Variants in WWC1 observed in about 807,000 individuals in gnomAD.
WWC1 encodes protein KIBRA.
WWC1 carries 55 observed loss-of-function variants against 138.4 expected under a neutral mutation model. That is an observed-to-expected ratio of 0.40 (90% CI 0.32 to 0.50). WWC1 has a LOEUF of 0.50. Ranked by LOEUF, WWC1 falls within the 20% of genes least tolerant of loss-of-function variation. The pLI is 0.72. For missense variants in WWC1, 1,226 were observed against 1,420.4 expected (o/e 0.86, Z 2.20); for synonymous variants, 524 against 564.9 (o/e 0.93, Z 1.03).
chr5:168,466,613 A>C (rs756041253), intron 21 of WWC1, among the ~76,000 whole-genome samples: 9 of 152,330 alleles, frequency 5.9e-5, no homozygotes, highest in Non-Finnish European at 8.8e-5. Flanking sequence ...AGAAAAGTTT[A>C]TTTCTTTCTT....
At chr5:168,454,200 C>A (rs1406980964) in intron 18 of WWC1, 100 bp downstream of exon 18, 11 of 1,523,930 alleles carry the variant, frequency 7.2e-6, no homozygotes, top group African/African-American at 1.4e-5. Context: ...GTCTTGGCTT[C>A]CAGCATCAGG....
intron 10 of WWC1, among the ~76,000 whole-genome samples, chr5:168,422,977 C>G (rs534276217): frequency 1.3e-3 from 194 of 151,966 alleles, no homozygotes; most frequent in African/African-American, 4.6e-3. Context: ...GAAACCCCCT[C>G]TCTACTAAAA....
intron 1 of WWC1, among the ~76,000 whole-genome samples, chr5:168,323,794 G>GA (rs1275656318): frequency 8.5e-5 from 13 of 152,076 alleles, no homozygotes; most frequent in Admixed American, 1.3e-4. Flanking sequence ...ATAAATCCAG[G>GA]AAAATCATGT....
At chr5:168,293,920 C>T (rs957662655) in intron 1 of WWC1, among the ~76,000 whole-genome samples, 2 of 152,338 alleles carry the variant, frequency 1.3e-5, no homozygotes, top group South Asian at 2.1e-4. Context: ...CACCCTTACT[C>T]GGGTCAGTTG....
At position 168,414,393 on chromosome 5, in the gene WWC1, C is replaced by T. The variant is rs1339751571; in HGVS notation, c.987C>T (p.Ala329=). The T allele has an allele frequency of 9.9e-6, 16 of 1,609,086 alleles. No homozygotes were observed. The highest frequency in any genetic ancestry group is 1.3e-5 in the African/African-American group (1 of 74,854). The change falls in exon 9 of 23, where the codon GCC becomes GCT. Residue 329 remains alanine, a synonymous_variant. Transcript: ENST00000265293. ...AGCTGGCCAAGCTTGACAGTGAGGC[C>T]TGGCCTGGGGTGCTGGACTCAGAGA... The part of the protein sequence containing the change: ...KIQLAKLDSE[A]WPGVLDSERD...
chr5:168,423,161 A>AAAAAAAAC (rs774697216), intron 10 of WWC1, among the ~76,000 whole-genome samples: 1,490 of 139,888 alleles, frequency 0.011, 21 homozygotes, highest in South Asian at 0.021. Context: ...AAAAAAAAAA[A>AAAAAAAAC]AAAAAAAAAA....
In WWC1 at chr5:168,423,341, A is replaced by G. The variant is rs565401287; in HGVS notation, c.1275-192A>G. 4.6e-5 allele frequency among the ~76,000 whole-genome samples: 7 copies of G among 152,282 alleles called. No homozygotes were observed. In the South Asian group the frequency reaches 1.5e-3, roughly 32 times the overall value. On this transcript the variant is annotated intron_variant, in intron 10 of 22. Transcript: ENST00000265293. ...CAGCTATAACTTGAGTCCAAAGCCC[A>G]GCTCTGCCATGTCTTGATTATGTGG...
rs756135846 is a variant in WWC1 at position 168,448,616 on chromosome 5, A to ATTTTTTT, written c.2525+4045_2525+4051dup. On this transcript the variant is annotated intron_variant, in intron 17 of 22. Coordinates refer to ENST00000265293, the MANE Select transcript of WWC1 (RefSeq NM_015238.3). The stretch of plus-strand genomic sequence containing the variant: ...CATCATAGAATAGTTCTCAAATAAG[A>ATTTTTTT]TTTTTTTTTTTTTTTTTTTTGAGAC... Among the ~76,000 whole-genome samples, 363 of 117,570 alleles carry ATTTTTTT rather than the reference A, an allele frequency of 3.1e-3. 11 individuals carry two copies. The highest frequency in any genetic ancestry group is 0.012 in the African/African-American group (342 of 28,610). 77.1% of individuals were successfully genotyped at this position (117,570 alleles called of 152,430 possible).
chr5:168,333,349 C>T (rs1356229825), intron 1 of WWC1, among the ~76,000 whole-genome samples: 2 of 152,218 alleles, frequency 1.3e-5, no homozygotes, highest in African/African-American at 2.4e-5. Context: ...CCTTCGGGAG[C>T]TGGGAGTGGA....
chr5:168,429,977 A>G (rs1194401023), intron 13 of WWC1, among the ~76,000 whole-genome samples, 160 bp from the exon 14 acceptor site: 2 of 152,186 alleles, frequency 1.3e-5, no homozygotes, highest in African/African-American at 4.8e-5. Flanking sequence ...CTCTAGCTCT[A>G]CATCCCTGCA....
chr5:168,406,399 G>T, intron 6 of WWC1, 72 bp downstream of exon 6: 1 of 1,586,478 alleles, frequency 6.3e-7, no homozygotes, highest in African/African-American at 1.3e-5. Flanking sequence ...AGTCGTATGC[G>T]GGCTATTTCC....
In WWC1 at chr5:168,385,254, G is replaced by C; in HGVS notation, c.273G>C (p.Glu91Asp). 6.2e-7 allele frequency: 1 copy of C among 1,614,142 alleles called. No homozygotes were observed. The highest frequency in any genetic ancestry group is 8.5e-7 in the Non-Finnish European group (1 of 1,180,036). Residue 91 changes from glutamate to aspartate, a missense_variant, in exon 3 of 23, where the codon GAG (glutamate) becomes GAC (aspartate). Physicochemically the swap from Glu to Asp is conservative, Grantham distance 45 (BLOSUM62 2). Coordinates refer to ENST00000265293, the MANE Select transcript of WWC1 (RefSeq NM_015238.3). ...IEDPRVQWRR[E>D]QEHMLKDYLV... Reference sequence around the variant, plus strand: ...ATCCTCGAGTACAATGGCGGCGGGAGCAGGAACATATGCTGAAGGATTACC... The same window carrying C: ...ATCCTCGAGTACAATGGCGGCGGGACCAGGAACATATGCTGAAGGATTACC...
intron 1 of WWC1, among the ~76,000 whole-genome samples, chr5:168,337,492 C>CATAGG (rs1343192397): frequency 1.3e-5 from 2 of 152,002 alleles, no homozygotes; most frequent in African/African-American, 4.8e-5. Context: ...TCCTGCAGTG[C>CATAGG]ACAGGACAGC....
intron 1 of WWC1, among the ~76,000 whole-genome samples, chr5:168,346,857 A>C (rs968654212): frequency 1.3e-5 from 2 of 152,108 alleles, no homozygotes; most frequent in African/African-American, 4.8e-5. Flanking sequence ...GGTTGGTGTC[A>C]GGCACTGTGT....
rs749130729 is a variant in WWC1 at position 168,423,730 on chromosome 5, G to T, written c.1472G>T (p.Gly491Val). The stretch of plus-strand genomic sequence containing the variant: ...TTCCTGCTCCTGGAGGGGGCCACCG[G>T]CTTCCGGCCCTCAGGCTGCATCACC... ...VEFLLLEGAT[G>V]FRPSGCITTI... The change falls in exon 11 of 23, where the codon GGC becomes GTC. Residue 491 changes from glycine to valine, a missense_variant. Gly to Val is a moderately radical substitution (Grantham distance 109). This residue lies in a region of WWC1 where 1,016 missense variants were observed against 1,153.9 expected (regional missense o/e 0.88). Transcript: ENST00000265293. 1 of 1,614,040 alleles carries T rather than the reference G, an allele frequency of 6.2e-7. No homozygotes were observed. The highest frequency in any genetic ancestry group is 1.1e-5 in the South Asian group (1 of 91,076).
intron 1 of WWC1, among the ~76,000 whole-genome samples, chr5:168,311,720 AC>A (rs1771102572): frequency 2.0e-5 from 3 of 152,254 alleles, no homozygotes; most frequent in South Asian, 2.1e-4. Context: ...AAAATGATAT[AC>A]AAAAAATTAG....
intron 17 of WWC1, among the ~76,000 whole-genome samples, 183 bp downstream of exon 17, chr5:168,444,768 C>A (rs1755085869): frequency 6.6e-6 from 1 of 151,930 alleles, no homozygotes; most frequent in Admixed American, 6.6e-5. Flanking sequence ...TCCCAGAATT[C>A]CTTTCGAATT....
At chr5:168,449,485 C>T (rs562574024) in intron 17 of WWC1, among the ~76,000 whole-genome samples, 13 of 151,116 alleles carry the variant, frequency 8.6e-5, no homozygotes, top group Non-Finnish European at 1.6e-4. Flanking sequence ...ATTGAGCCCT[C>T]AATAAATACT....
intron 17 of WWC1, among the ~76,000 whole-genome samples, chr5:168,447,514 C>T (rs1161582299): frequency 1.3e-5 from 2 of 151,894 alleles, no homozygotes; most frequent in Non-Finnish European, 2.9e-5. Context: ...ATATAATTTG[C>T]ACCTTTTCAC....
Sources: allele counts gnomAD v4.1 joint callset (sites outside exome capture counted in the v4.1 genomes callset), GRCh38; gene constraint gnomAD v4.1.1; regional missense constraint gnomAD v4.1.1; transcripts MANE v1.5; gene names NCBI Gene and HGNC (gene_info 2026-07-23, HGNC 2026-07-21).